Variants in ATG5 observed in about 807,000 individuals in gnomAD.
The protein encoded by ATG5 is autophagy related 5.
In ATG5, 14 loss-of-function variants were observed where a neutral mutation model predicts 36.5. The ratio of observed to expected loss-of-function variants is 0.38; its 90% CI spans 0.25 to 0.60. ATG5 has a LOEUF of 0.60. Ranked by LOEUF, ATG5 falls within the 20% of genes least tolerant of loss-of-function variation. The pLI is 0.60. For synonymous variants in ATG5, 95 were observed against 101.5 expected (o/e 0.94, Z 0.38); for missense variants, 195 against 326.7 (o/e 0.60, Z 3.11).
chr6:106,190,115 T>C (rs530644627), intron 7 of ATG5, among the ~76,000 whole-genome samples: 5 of 152,312 alleles, frequency 3.3e-5, no homozygotes, highest in African/African-American at 1.2e-4. Context: ...TTATCAACTA[T>C]CCCAATAATG....
At chr6:106,315,650 TA>T (rs1286770496) in intron 2 of ATG5, among the ~76,000 whole-genome samples, 1 of 152,146 alleles carries the variant, frequency 6.6e-6, no homozygotes, top group African/African-American at 2.4e-5. Context: ...CTTTAAGCTA[TA>T]AAAACACTTT....
chr6:106,232,467 T>G (rs1436659443), intron 6 of ATG5, among the ~76,000 whole-genome samples: 1 of 152,096 alleles, frequency 6.6e-6, no homozygotes, highest in East Asian at 1.9e-4. Context: ...TGTTGTCCCC[T>G]GCTTGAGGAA....
chr6:106,279,782 A>T lies in ATG5; in HGVS notation c.357T>A (p.Asp119Glu). The change falls in exon 5 of 8, where the codon GAT becomes GAA. Residue 119 changes from aspartate (D) to glutamate (E), a missense_variant. By Grantham distance (45) the Asp-to-Glu change is conservative. Transcript: ENST00000369076. Reference sequence around the variant, plus strand: ...ATGACATAAAATGAGCTTCAATTGCATCCTTAGATGGACAGTGCAGAAGGT... The same window carrying T: ...ATGACATAAAATGAGCTTCAATTGCTTCCTTAGATGGACAGTGCAGAAGGT... ...EKDLLHCPSK[D>E]AIEAHFMSCM... The T allele has an allele frequency of 6.2e-7, 1 of 1,606,048 alleles. No homozygotes were observed. Among genetic ancestry groups the T allele is most frequent in the Non-Finnish European group, 8.5e-7 (1 of 1,175,852 alleles).
intron 5 of ATG5, among the ~76,000 whole-genome samples, chr6:106,269,269 T>G (rs1182027151): frequency 1.3e-5 from 2 of 152,154 alleles, no homozygotes; most frequent in African/African-American, 2.4e-5. Context: ...TTGAGCTAGA[T>G]ACAGAGTGCT....
intron 6 of ATG5, among the ~76,000 whole-genome samples, chr6:106,213,117 C>T (rs1776918358): frequency 6.6e-6 from 1 of 152,178 alleles, no homozygotes; most frequent in Non-Finnish European, 1.5e-5. Flanking sequence ...TGCAGGATCT[C>T]TAAGTAATGA....
chr6:106,239,738 C>T (rs76077954), intron 6 of ATG5, among the ~76,000 whole-genome samples: 245 of 152,298 alleles, frequency 1.6e-3, no homozygotes, highest in African/African-American at 5.5e-3. Context: ...AACTATGGCC[C>T]ACTGGCCAAA....
At chr6:106,300,568 A>G (rs74378013) in intron 3 of ATG5, among the ~76,000 whole-genome samples, 26,876 of 152,072 alleles carry the variant, frequency 0.18, 2,777 homozygotes, top group African/African-American at 0.28. Context: ...CTGTTCAAAC[A>G]TCACAGTGTA....
At chr6:106,300,946 G>A (rs185478958) in intron 3 of ATG5, among the ~76,000 whole-genome samples, 1 of 152,142 alleles carries the variant, frequency 6.6e-6, no homozygotes, top group East Asian at 1.9e-4. Flanking sequence ...GACAAAATGA[G>A]AAGCTTGTTC....
intron 7 of ATG5, among the ~76,000 whole-genome samples, chr6:106,200,246 T>C (rs533695893): frequency 1.3e-5 from 2 of 152,360 alleles, no homozygotes; most frequent in East Asian, 1.9e-4. Flanking sequence ...CCACTGTTCC[T>C]AATTCTACTA....
At chr6:106,294,579 G>A (rs9372122) in intron 3 of ATG5, among the ~76,000 whole-genome samples, 75,312 of 151,430 alleles carry the variant, frequency 0.5, 19,489 homozygotes, top group African/African-American at 0.64. Context: ...ACACTTTGGG[G>A]GGCCAAGGTG....
intron 6 of ATG5, among the ~76,000 whole-genome samples, chr6:106,205,992 G>C (rs1776614755): frequency 6.6e-6 from 1 of 152,090 alleles, no homozygotes; most frequent in Non-Finnish European, 1.5e-5. Context: ...TAAAAATTTA[G>C]TGTGCTAGCA....
chr6:106,304,462 G>C (rs1319894284), intron 3 of ATG5, among the ~76,000 whole-genome samples: 2 of 152,030 alleles, frequency 1.3e-5, no homozygotes, highest in Admixed American at 6.6e-5. Flanking sequence ...ACAATTTGTG[G>C]TATAACCATA....
chr6:106,312,717 G>T (rs997998212), intron 2 of ATG5, among the ~76,000 whole-genome samples: 5 of 151,638 alleles, frequency 3.3e-5, no homozygotes, highest in African/African-American at 1.2e-4. Flanking sequence ...AGGGCTAACA[G>T]GACAATGCCA....
intron 6 of ATG5, among the ~76,000 whole-genome samples, chr6:106,235,935 C>T (rs1777885251): frequency 6.6e-6 from 1 of 152,194 alleles, no homozygotes; most frequent in Non-Finnish European, 1.5e-5. Flanking sequence ...AGATATTGGG[C>T]ATTTCCATCA....
At chr6:106,255,942 G>C (rs942914824) in intron 5 of ATG5, among the ~76,000 whole-genome samples, 1 of 152,054 alleles carries the variant, frequency 6.6e-6, no homozygotes, top group Non-Finnish European at 1.5e-5. Context: ...TAAAACTACT[G>C]TATATTAAGA....
intron 5 of ATG5, among the ~76,000 whole-genome samples, chr6:106,257,091 A>C (rs1444280884): frequency 6.6e-6 from 1 of 152,182 alleles, no homozygotes; most frequent in Non-Finnish European, 1.5e-5. Context: ...TACACACATT[A>C]GCCTAGGCCT....
At chr6:106,298,108 G>GC (rs1478709798) in intron 3 of ATG5, among the ~76,000 whole-genome samples, 1 of 151,796 alleles carries the variant, frequency 6.6e-6, no homozygotes, top group African/African-American at 2.4e-5. Flanking sequence ...GGGATTACAG[G>GC]CGCGTACCAC....
intron 5 of ATG5, among the ~76,000 whole-genome samples, chr6:106,258,978 T>G (rs1266625160): frequency 6.6e-6 from 1 of 151,794 alleles, no homozygotes; most frequent in African/African-American, 2.4e-5. Context: ...CTTCAATGAG[T>G]ACATGAAGAA....
At chr6:106,277,720 A>T (rs1779715369) in intron 5 of ATG5, among the ~76,000 whole-genome samples, 1 of 152,224 alleles carries the variant, frequency 6.6e-6, no homozygotes, top group Non-Finnish European at 1.5e-5. Context: ...AGGCTGAGAC[A>T]TGATAATCGC....
Sources: gnomAD v4.1 joint callset for allele counts (sites outside exome capture counted in the v4.1 genomes callset) on GRCh38, gnomAD v4.1.1 for gene constraint, MANE v1.5 for transcripts, NCBI Gene and HGNC (gene_info 2026-07-23, HGNC 2026-07-21) for gene names.